SUN3: variants seen among roughly 807,000 people sequenced by gnomAD.
SUN3 encodes the protein SUN domain-containing protein 3.
A neutral mutation model predicts 48.2 loss-of-function variants in SUN3; 36 were observed. That is an observed-to-expected ratio of 0.75 (90% CI 0.57 to 0.99). The LOEUF is 0.99. Among genes scored for constraint, SUN3 ranks in the 50% least tolerant of loss-of-function variants. SUN3 has a pLI of 0.00. For missense variants in SUN3, 419 were observed against 433.1 expected (o/e 0.97, Z 0.29); for synonymous variants, 148 against 147.9 (o/e 1.00, Z 0.00).
Position 48,007,147 on chromosome 7 carries a change from C to A in SUN3, c.492+18G>T, listed in dbSNP as rs1456457269. The A allele has an allele frequency of 6.2e-7, 1 of 1,609,656 alleles. No homozygotes were observed. The highest frequency in any genetic ancestry group is 1.1e-5 in the South Asian group (1 of 90,396). ...CCACCACCCCACCCTGCCCAACCCG[C>A]CTAGCCTCATCCAGGACCTCTGTGT... On this transcript the variant is annotated intron_variant, in intron 5 of 9. Transcript: ENST00000297325.
chr7:47,996,755 A>ACATGTGC lies in SUN3; in HGVS notation c.578-616_578-610dup, dbSNP rs1347285993. On this transcript the variant is annotated intron_variant, in intron 6 of 9. Transcript: ENST00000297325. ...CATAACACACCACAACACTAAAAAT[A>ACATGTGC]CATGTGCCTCATCAAATATCTGATT... Among the ~76,000 whole-genome samples the ACATGTGC allele has an allele frequency of 2.0e-5, 3 of 152,074 alleles. No individual in the cohort carries two copies. In the East Asian group the frequency reaches 5.8e-4, roughly 29 times the overall value.
rs776205338 is a variant in SUN3, at chr7:47,994,460, C to G, written c.716G>C (p.Cys239Ser). 1.9e-5 allele frequency: 30 copies of G among 1,604,256 alleles called. No individual in the cohort carries two copies. Among genetic ancestry groups the G allele is most frequent in the Non-Finnish European group, 2.5e-5 (30 of 1,177,018 alleles). ...ILQPDVYPGK[C>S]WAFPGSQGHT... The stretch of plus-strand genomic sequence containing the variant: ...ACCCTGGGAACCTGGAAAAGCCCAG[C>G]ACTTTCCAGGGTAGACATCCGGCTG... The change falls in exon 8 of 10, where the codon TGC (cysteine) becomes TCC (serine). Residue 239 changes from cysteine to serine, a missense_variant. Cys to Ser is a moderately radical substitution (Grantham distance 112). Transcript: ENST00000297325.
upstream of SUN3, among the ~76,000 whole-genome samples, chr7:48,029,294 TG>T (rs1489234677): frequency 6.6e-6 from 1 of 152,244 alleles, no homozygotes; most frequent in Non-Finnish European, 1.5e-5. Flanking sequence ...CTGGATGTTT[TG>T]CTGTGTTTGC....
At position 47,987,237 on chromosome 7, in the gene SUN3, C is replaced by T. The variant is rs59522165; in HGVS notation, c.*93G>A. ...CACTTTGAGGTTTTCTTCCCACTCC[C>T]AATTCTCAATTCCTATGGGTGCGGT... On this transcript the variant is annotated 3_prime_UTR_variant, in exon 10 of 10. Coordinates refer to ENST00000297325, the MANE Select transcript of SUN3 (RefSeq NM_001030019.2). 4,445 of 1,367,050 alleles carry T rather than the reference C, an allele frequency of 3.3e-3. 113 individuals carry two copies. The African/African-American group carries it at 0.057, about 18-fold the overall frequency. 84.7% of individuals were successfully genotyped at this position (1,367,050 alleles called of 1,614,324 possible). A position where few individuals can be genotyped will look rare whatever the true frequency, so the allele number is the denominator to read the frequency against.
At chr7:47,992,606 T>A (rs2128770392) in intron 8 of SUN3, among the ~76,000 whole-genome samples, 1 of 151,840 alleles carries the variant, frequency 6.6e-6, no homozygotes, top group Middle Eastern at 3.4e-3. Flanking sequence ...TCAGGATGCA[T>A]GAGTGAAATC....
intron 1 of SUN3, among the ~76,000 whole-genome samples, chr7:48,026,640 G>T (rs1402746945): frequency 2.0e-5 from 3 of 151,098 alleles, no homozygotes; most frequent in Non-Finnish European, 4.4e-5. Context: ...TACCATCATT[G>T]TTACTGTATT....
chr7:48,033,425 G>T (rs1029732899), upstream of SUN3, among the ~76,000 whole-genome samples: 1 of 151,952 alleles, frequency 6.6e-6, no homozygotes, highest in Non-Finnish European at 1.5e-5. Flanking sequence ...AGCTAGATGT[G>T]GTGCTGTGGG....
chr7:48,000,347 A>G (rs775077776), intron 6 of SUN3, among the ~76,000 whole-genome samples: 1 of 152,166 alleles, frequency 6.6e-6, no homozygotes, highest in Non-Finnish European at 1.5e-5. Context: ...CATGTTGGCC[A>G]GGCTAGTCTG....
In SUN3 at chr7:47,994,181, A is replaced by T. The variant is rs548475598; in HGVS notation, c.861+134T>A. On this transcript the variant is annotated intron_variant, in intron 8 of 9. Transcript: ENST00000297325. The stretch of plus-strand genomic sequence containing the variant: ...ATTTGGTCCAACTCTCTCTCTTTGT[A>T]GGTGAGAAAGCAGAAGTCCAGGAAA... The T allele has an allele frequency of 2.0e-5, 15 of 736,756 alleles. No individual in the cohort carries two copies. In the South Asian group the frequency reaches 2.4e-4, roughly 12 times the overall value. The allele number at this position is 736,756 out of a possible 1,614,324, so 45.6% of individuals were successfully genotyped here. A position where few individuals can be genotyped will look rare whatever the true frequency, so the allele number is the denominator to read the frequency against.
At chr7:48,003,329 A>G (rs1789441032) in intron 6 of SUN3, among the ~76,000 whole-genome samples, 1 of 152,128 alleles carries the variant, frequency 6.6e-6, no homozygotes, top group East Asian at 1.9e-4. Context: ...GCCCTGTAGT[A>G]TAGTTTGAAG....
At chr7:47,988,069 A>G (rs958497046) in intron 9 of SUN3, among the ~76,000 whole-genome samples, 7 of 152,224 alleles carry the variant, frequency 4.6e-5, no homozygotes, top group Non-Finnish European at 1.0e-4. Context: ...GAAGCCAACT[A>G]TAAGAACAGA....
chr7:47,990,309 A>C (rs1409810866), intron 8 of SUN3, among the ~76,000 whole-genome samples: 5 of 152,190 alleles, frequency 3.3e-5, no homozygotes, highest in Non-Finnish European at 1.5e-5. Context: ...TGAGATGTTT[A>C]TGTATATGCA....
At position 48,029,000 on chromosome 7, in the gene SUN3, TTTTA is replaced by T; in HGVS notation, c.-66_-63del. 6.2e-7 allele frequency: 1 copy of T among 1,605,312 alleles called. No individual in the cohort carries two copies. Among genetic ancestry groups the T allele is most frequent in the Non-Finnish European group, 8.5e-7 (1 of 1,177,282 alleles). On this transcript the variant is annotated 5_prime_UTR_variant, in exon 1 of 10. The change abolishes the stop of an existing upstream ORF in the 5' untranslated region. Coordinates refer to ENST00000297325, the MANE Select transcript of SUN3 (RefSeq NM_001030019.2). ...AGAGCAACATTTGTCCTCATTCCTA[TTTTA>T]TGAAAAACATGAAGCTATACATACA...
intron 5 of SUN3, among the ~76,000 whole-genome samples, chr7:48,006,382 C>T (rs971483107): frequency 7.2e-5 from 11 of 152,188 alleles, no homozygotes; most frequent in African/African-American, 2.4e-4. Context: ...CTGTGACCTA[C>T]TGTGTTCTGT....
At chr7:48,025,188 A>G (rs1790101460) in intron 2 of SUN3, among the ~76,000 whole-genome samples, 1 of 152,202 alleles carries the variant, frequency 6.6e-6, no homozygotes, top group African/African-American at 2.4e-5. Context: ...GATAAACAAA[A>G]TGAGGTATAT....
chr7:47,995,784 T>G (rs73111112), intron 7 of SUN3, among the ~76,000 whole-genome samples: 1,575 of 152,266 alleles, frequency 0.01, 10 homozygotes, highest in Non-Finnish European at 0.017. Flanking sequence ...TACTTGAAAA[T>G]AAAATAATCT....
At chr7:48,028,293 C>T (rs1007360876) in intron 1 of SUN3, among the ~76,000 whole-genome samples, 10 of 151,644 alleles carry the variant, frequency 6.6e-5, no homozygotes, top group Admixed American at 4.6e-4. Context: ...GGATTCCCTG[C>T]TATAATAATC....
At chr7:48,022,928 A>C (rs909715741) in intron 2 of SUN3, among the ~76,000 whole-genome samples, 1 of 152,136 alleles carries the variant, frequency 6.6e-6, no homozygotes, top group South Asian at 2.1e-4. Context: ...TCCCAACTGC[A>C]GAAAAAATTA....
chr7:48,032,415 C>T (rs1450741581), upstream of SUN3, among the ~76,000 whole-genome samples: 1 of 152,082 alleles, frequency 6.6e-6, no homozygotes, highest in Non-Finnish European at 1.5e-5. Context: ...AATTATATCT[C>T]AATAAAGTTG....
Sources: gnomAD v4.1 joint callset for allele counts (sites outside exome capture counted in the v4.1 genomes callset) on GRCh38, gnomAD v4.1.1 for gene constraint, MANE v1.5 for transcripts, NCBI Gene and HGNC (gene_info 2026-07-23, HGNC 2026-07-21) for gene names.